Variants in PPP1R13B observed in about 807,000 individuals in gnomAD.
PPP1R13B encodes protein phosphatase 1 regulatory subunit 13B, also known as apoptosis-stimulating of p53 protein 1.
In PPP1R13B, 44 loss-of-function variants were observed where a neutral mutation model predicts 119.8. The observed-to-expected ratio is 0.37, with a 90% CI of 0.29 to 0.47. The LOEUF (loss-of-function observed/expected upper bound fraction) is 0.47. PPP1R13B is among the 20% of genes least tolerant of loss of function. The pLI, the probability that PPP1R13B is intolerant of heterozygous loss-of-function variation, is 0.99. For synonymous variants in PPP1R13B, 542 were observed against 561.5 expected, an observed-to-expected ratio of 0.97 and a Z score of 0.49; for missense variants, 1,227 against 1,413.5, an observed-to-expected ratio of 0.87 and a Z score of 2.12.
In PPP1R13B at chr14:103,742,766, A is replaced by G; in HGVS notation, c.1208T>C (p.Val403Ala). ...KQNSSSSVKP[V>A]QVAGADWKDP... ...CTTCCAGTCTGCACCGGCCACCTGCACTGGTTTCACGGAAGAGCTAGAATT... is the reference window on the plus strand; with the variant it reads ...CTTCCAGTCTGCACCGGCCACCTGCGCTGGTTTCACGGAAGAGCTAGAATT... The change falls in exon 10 of 17, where the codon GTG (valine) becomes GCG (alanine). Residue 403 changes from valine to alanine, a missense_variant. Transcript: ENST00000202556. This position sits in a 1 kb window ranked among gnomAD's most constrained non-coding sequence, Gnocchi z 4.9. The G allele has an allele frequency of 6.2e-7, 1 of 1,614,158 alleles. No individual in the cohort carries two copies. Among genetic ancestry groups the G allele is most frequent in the Non-Finnish European group, 8.5e-7 (1 of 1,180,026 alleles).
At chr14:103,844,556 C>G (rs948624248) in intron 1 of PPP1R13B, among the ~76,000 whole-genome samples, 1 of 151,874 alleles carries the variant, frequency 6.6e-6, no homozygotes, top group Admixed American at 6.6e-5. Context: ...ATAGTGAAAC[C>G]CTGTTTCTAC....
Position 103,847,508 on chromosome 14 carries a change from C to T in PPP1R13B, c.-201G>A. 1.1e-5 allele frequency: 11 copies of T among 985,116 alleles called. No individual in the cohort carries two copies. Among genetic ancestry groups the T allele is most frequent in the Non-Finnish European group, 1.3e-5 (11 of 830,752 alleles). 61.0% of individuals were successfully genotyped at this position (985,116 alleles called of 1,614,324 possible). A position where few individuals can be genotyped will look rare whatever the true frequency, so the allele number is the denominator to read the frequency against. ...GCCGCCGGCGCGCTGCGTCGCTGTC[C>T]CGGGCACCCGGCCGCCGCCGCCGCC... On this transcript the variant is annotated 5_prime_UTR_variant, in exon 1 of 17. Transcript: ENST00000202556.
chr14:103,735,041 A>C lies in PPP1R13B; in HGVS notation c.*113T>G, dbSNP rs2084059672. On this transcript the variant is annotated 3_prime_UTR_variant, in exon 17 of 17. Coordinates refer to ENST00000202556, the MANE Select transcript of PPP1R13B (RefSeq NM_015316.3). ...TCACATTGTGGACGCTGTCTGCTAA[A>C]GTGAGCACCATTAAGACCATTTTCT... The C allele has an allele frequency of 2.5e-6, 3 of 1,178,066 alleles. No homozygotes were observed. Among genetic ancestry groups the C allele is most frequent in the Middle Eastern group, 1.9e-4 (1 of 5,300 alleles). The allele number at this position is 1,178,066 out of a possible 1,614,324, so 73.0% of individuals were successfully genotyped here.
intron 2 of PPP1R13B, among the ~76,000 whole-genome samples, chr14:103,787,575 T>C (rs1220694674): frequency 6.6e-6 from 1 of 151,176 alleles, no homozygotes; most frequent in Non-Finnish European, 1.5e-5. Context: ...CCCAGCACTT[T>C]GGGAGGCAAG....
chr14:103,817,316 T>A (rs1305250720), intron 1 of PPP1R13B, among the ~76,000 whole-genome samples: 1 of 152,152 alleles, frequency 6.6e-6, no homozygotes, highest in Non-Finnish European at 1.5e-5. Flanking sequence ...AAAAATTCAC[T>A]GATAGCATTG....
rs2084614058 is a variant in PPP1R13B at position 103,754,012 on chromosome 14, G to A, written c.631+58C>T. On this transcript the variant is annotated intron_variant, in intron 6 of 16. Transcript: ENST00000202556. Reference sequence around the variant, plus strand: ...CTGAATTGTCAGGCAGTTAGACTATGTTTCACTGGATCTGGGCCTGGTGAG... The same window carrying A: ...CTGAATTGTCAGGCAGTTAGACTATATTTCACTGGATCTGGGCCTGGTGAG... 3.2e-6 allele frequency: 5 copies of A among 1,559,812 alleles called. No individual in the cohort carries two copies. In the South Asian group the frequency reaches 5.9e-5, roughly 18 times the overall value.
intron 4 of PPP1R13B, among the ~76,000 whole-genome samples, chr14:103,762,241 T>C (rs1259502547): frequency 1.3e-5 from 2 of 152,174 alleles, no homozygotes; most frequent in African/African-American, 4.8e-5. Context: ...TGAATGGTGC[T>C]TTTTCCTTCA....
chr14:103,799,839 A>G (rs1035479154), intron 1 of PPP1R13B, among the ~76,000 whole-genome samples: 1 of 151,786 alleles, frequency 6.6e-6, no homozygotes, highest in Admixed American at 6.6e-5. Flanking sequence ...TGAGGTCAGG[A>G]GTTCAAGACC....
chr14:103,783,444 GTTT>G (rs1470668119), intron 3 of PPP1R13B, among the ~76,000 whole-genome samples: 1 of 151,886 alleles, frequency 6.6e-6, no homozygotes, highest in Non-Finnish European at 1.5e-5. Flanking sequence ...CAGAGATGGG[GTTT>G]TACCACGTTG....
At position 103,778,525 on chromosome 14, in the gene PPP1R13B, G is replaced by C. The variant is rs1174177629; in HGVS notation, c.354+220C>G. 3 of 485,880 alleles carry C rather than the reference G, an allele frequency of 6.2e-6. No homozygotes were observed. The Admixed American group carries it at 1.1e-4, about 18-fold the overall frequency. 30.1% of individuals were successfully genotyped at this position (485,880 alleles called of 1,614,324 possible). ...TCTGTGCGCCTCAGTCTCCCAAAGT[G>C]CTAGGATTACATGTGTGAGCCACAC... On this transcript the variant is annotated intron_variant, in intron 4 of 16. Coordinates refer to ENST00000202556, the MANE Select transcript of PPP1R13B (RefSeq NM_015316.3).
intron 16 of PPP1R13B, among the ~76,000 whole-genome samples, chr14:103,735,778 G>A (rs1166396633): frequency 8.5e-5 from 13 of 152,198 alleles, no homozygotes; most frequent in African/African-American, 3.1e-4. Context: ...GGGGCACTCA[G>A]CCTCCGCACG....
At chr14:103,754,889 C>T (rs1268425984) in intron 5 of PPP1R13B, among the ~76,000 whole-genome samples, 4 of 151,984 alleles carry the variant, frequency 2.6e-5, no homozygotes, top group African/African-American at 9.7e-5. Context: ...ACACCATTCT[C>T]CTGACTCAGT....
intron 8 of PPP1R13B, among the ~76,000 whole-genome samples, chr14:103,748,324 T>C (rs993003323): frequency 2.0e-5 from 3 of 152,180 alleles, no homozygotes; most frequent in Non-Finnish European, 4.4e-5. Context: ...TGTGTTGTTT[T>C]TTTAAAAGAA....
At chr14:103,808,643 C>T (rs955024746) in intron 1 of PPP1R13B, among the ~76,000 whole-genome samples, 1 of 152,042 alleles carries the variant, frequency 6.6e-6, no homozygotes, top group Non-Finnish European at 1.5e-5. Flanking sequence ...TACCCCCTTC[C>T]CCTGACACAA....
chr14:103,737,565 G>A, intron 15 of PPP1R13B, 129 bp downstream of exon 15: 4 of 1,204,734 alleles, frequency 3.3e-6, no homozygotes, highest in Non-Finnish European at 4.5e-6. Flanking sequence ...GACAGAATGA[G>A]ACCTTGTCTC....
At chr14:103,838,532 G>A (rs1265513176) in intron 1 of PPP1R13B, among the ~76,000 whole-genome samples, 2 of 152,114 alleles carry the variant, frequency 1.3e-5, no homozygotes, top group Middle Eastern at 3.2e-3. Context: ...TAGTTGTCTC[G>A]TGCATATACT....
intron 1 of PPP1R13B, among the ~76,000 whole-genome samples, chr14:103,808,502 C>T (rs1271255528): frequency 1.3e-5 from 2 of 152,190 alleles, no homozygotes; most frequent in Non-Finnish European, 2.9e-5. Flanking sequence ...AGAAAGTTTA[C>T]TAATTTGTGT....
At chr14:103,830,943 A>ATT (rs34201103) in intron 1 of PPP1R13B, among the ~76,000 whole-genome samples, 34 of 142,394 alleles carry the variant, frequency 2.4e-4, no homozygotes, top group African/African-American at 4.1e-4. Context: ...TACTCAAGTA[A>ATT]TTTTTTTTTT....
intron 1 of PPP1R13B, 76 bp downstream of exon 1, chr14:103,847,223 G>A (rs1489787343): frequency 4.6e-6 from 5 of 1,080,314 alleles, no homozygotes; most frequent in East Asian, 5.8e-5. Flanking sequence ...CGGGGGCTGG[G>A]AGCCGCGGGA....
Sources: gnomAD v4.1 joint callset for allele counts (sites outside exome capture counted in the v4.1 genomes callset) on GRCh38, gnomAD v4.1.1 for gene constraint, Gnocchi (gnomAD v3.1) non-coding constraint, MANE v1.5 for transcripts, NCBI Gene and HGNC (gene_info 2026-07-23, HGNC 2026-07-21) for gene names.